The following PAX7 variants were observed in gnomAD, a reference collection of about 807,000 sequenced individuals.
The protein encoded by PAX7 is paired box protein Pax-7.
PAX7 carries 18 observed loss-of-function variants against 50.7 expected under a neutral mutation model. That is an observed-to-expected ratio of 0.36 (90% CI 0.25 to 0.53). The LOEUF is 0.53. Among genes scored for constraint, PAX7 ranks in the 20% least tolerant of loss-of-function variants. PAX7 has a pLI of 0.93. For missense variants in PAX7, 644 were observed against 702.9 expected (o/e 0.92, Z 0.95); for synonymous variants, 310 against 290.4 (o/e 1.07, Z -0.69).
At chr1:18,687,959 G>T (rs941528177) in intron 4 of PAX7, among the ~76,000 whole-genome samples, 3 of 152,162 alleles carry the variant, frequency 2.0e-5, no homozygotes, top group Admixed American at 6.5e-5. Flanking sequence ...CTAGAAAGCT[G>T]CAGGTGACTT....
In PAX7 at chr1:18,632,147, A is replaced by T. The variant is rs946071613; in HGVS notation, c.85+459A>T. ...TATTTCGAACCACCTACCATGGGTG[A>T]TACTTTATATGCCTCAACTACCACG... On this transcript the variant is annotated intron_variant, in intron 1 of 8. Transcript: ENST00000420770. The surrounding 1 kb of genome is among the most constrained non-coding windows in gnomAD (Gnocchi z 6.3). Among the ~76,000 whole-genome samples the T allele has an allele frequency of 1.3e-5, 2 of 152,102 alleles. No individual in the cohort carries two copies. The highest frequency in any genetic ancestry group is 6.5e-5 in the Admixed American group (1 of 15,268).
chr1:18,721,876 G>A lies in PAX7; in HGVS notation c.1156-13756G>A, dbSNP rs188653834. 1.9e-3 allele frequency among the ~76,000 whole-genome samples: 290 copies of A among 152,306 alleles called. 3 individuals carry two copies. The highest frequency in any genetic ancestry group is 6.6e-3 in the African/African-American group (275 of 41,556). On this transcript the variant is annotated intron_variant, in intron 7 of 8. Coordinates refer to ENST00000420770, the MANE Select transcript of PAX7 (RefSeq NM_001135254.2). ...CATAACTAGGGACATTGCATGGTTT[G>A]GGGGACTGCTGTCAGAGATGGGGAT...
At chr1:18,707,146 A>T (rs1570202808) in intron 7 of PAX7, among the ~76,000 whole-genome samples, 1 of 152,230 alleles carries the variant, frequency 6.6e-6, no homozygotes, top group East Asian at 1.9e-4. Context: ...TAAATCAGTG[A>T]ACATGAGAGG....
chr1:18,695,804 G>A (rs1469126909), intron 5 of PAX7, among the ~76,000 whole-genome samples: 1 of 152,132 alleles, frequency 6.6e-6, no homozygotes, highest in Non-Finnish European at 1.5e-5. Flanking sequence ...AGGGCTAATA[G>A]GTCCCAAGGT....
At chr1:18,704,173 G>C (rs1454550925) in intron 7 of PAX7, among the ~76,000 whole-genome samples, 1 of 152,208 alleles carries the variant, frequency 6.6e-6, no homozygotes, top group East Asian at 1.9e-4. Context: ...AAGGAGAATA[G>C]AAAGAATTCA....
intron 4 of PAX7, among the ~76,000 whole-genome samples, chr1:18,677,015 C>G (rs2088833272): frequency 6.6e-6 from 1 of 152,172 alleles, no homozygotes; most frequent in African/African-American, 2.4e-5. Context: ...TACAGCCAGC[C>G]CACGGGCTCC....
intron 4 of PAX7, among the ~76,000 whole-genome samples, chr1:18,640,463 A>C (rs951584247): frequency 9.9e-5 from 15 of 150,958 alleles, no homozygotes; most frequent in African/African-American, 3.4e-4. Flanking sequence ...GGATCTTCGA[A>C]AACCAGGAAG....
chr1:18,694,252 G>A (rs764001406), intron 5 of PAX7, among the ~76,000 whole-genome samples: 26 of 151,976 alleles, frequency 1.7e-4, no homozygotes, highest in Non-Finnish European at 3.5e-4. Context: ...ACCTGAGGTC[G>A]GGAGTTTGAG....
intron 7 of PAX7, among the ~76,000 whole-genome samples, chr1:18,707,695 G>A (rs923603155): frequency 3.3e-5 from 5 of 152,024 alleles, no homozygotes; most frequent in African/African-American, 1.2e-4. Context: ...AAAGTGTTAG[G>A]ATTACAGGCA....
intron 5 of PAX7, among the ~76,000 whole-genome samples, chr1:18,694,136 A>G (rs1469164024): frequency 6.6e-6 from 1 of 152,206 alleles, no homozygotes; most frequent in African/African-American, 2.4e-5. Context: ...GAGCTTTCTC[A>G]GAGAAGAGGG....
rs1451383644 is a variant in PAX7, at chr1:18,745,751, C to T, written c.*822C>T. On this transcript the variant is annotated 3_prime_UTR_variant, in exon 9 of 9. Transcript: ENST00000420770. ...GAAGCCCAAGTTCCCAGCATGTCCA[C>T]TCCATCTGGGGCCTGGGGAGCCCAC... is the stretch of plus-strand genomic sequence containing the variant. 1.3e-5 allele frequency: 3 copies of T among 231,872 alleles called. No homozygotes were observed. Among genetic ancestry groups the T allele is most frequent in the Admixed American group, 1.1e-4 (2 of 17,746 alleles). The allele number at this position is 231,872 out of a possible 1,614,324, so 14.4% of individuals were successfully genotyped here. A position where few individuals can be genotyped will look rare whatever the true frequency, so the allele number is the denominator to read the frequency against.
intron 6 of PAX7, among the ~76,000 whole-genome samples, chr1:18,702,539 T>A (rs963619058): frequency 6.6e-6 from 1 of 152,016 alleles, no homozygotes; most frequent in African/African-American, 2.4e-5. Context: ...GAGCGCAGAA[T>A]AACAGCCTAG....
chr1:18,682,958 G>A (rs1341142667), intron 4 of PAX7, among the ~76,000 whole-genome samples: 4 of 152,294 alleles, frequency 2.6e-5, no homozygotes, highest in Non-Finnish European at 5.9e-5. Context: ...CCAGCTGCCT[G>A]GGTGGGGCAG....
In PAX7 at chr1:18,701,547, C is replaced by CA. The variant is rs139219511; in HGVS notation, c.952+739dup. ...GATTATGTTGGTCTCCAACCTATGA[C>CA]AAAAAAAAAATTTACAAAGGGGCTT... On this transcript the variant is annotated intron_variant, in intron 6 of 8. Transcript: ENST00000420770. 2.7e-4 allele frequency among the ~76,000 whole-genome samples: 40 copies of CA among 147,966 alleles called. No individual in the cohort carries two copies. In the East Asian group the frequency reaches 4.7e-3, roughly 17 times the overall value.
At chr1:18,662,978 T>TC (rs2088621897) in intron 4 of PAX7, among the ~76,000 whole-genome samples, 1 of 152,184 alleles carries the variant, frequency 6.6e-6, no homozygotes, top group Non-Finnish European at 1.5e-5. Context: ...AGCCTCTGCT[T>TC]CCTACTCTCC....
intron 4 of PAX7, among the ~76,000 whole-genome samples, chr1:18,689,820 T>A (rs1231103373): frequency 6.6e-6 from 1 of 152,236 alleles, no homozygotes. Context: ...GCAGTGCCCT[T>A]CCCTTCACCT....
chr1:18,674,181 A>G (rs1414137641), intron 4 of PAX7, among the ~76,000 whole-genome samples: 1 of 152,218 alleles, frequency 6.6e-6, no homozygotes, highest in African/African-American at 2.4e-5. Flanking sequence ...TCTTCTGGGC[A>G]TTGAGGATAA....
chr1:18,636,422 C>T lies in PAX7; in HGVS notation c.586+51C>T. ...GCCCCAGCCCGGGTTTTCCCACGCT[C>T]CGGTGTGCGGGCCAGTGGTTCGCTC... is the stretch of plus-strand genomic sequence containing the variant. On this transcript the variant is annotated intron_variant, in intron 4 of 8. Transcript: ENST00000420770. The surrounding 1 kb of genome is among the most constrained non-coding windows in gnomAD (Gnocchi z 5.1). 6.3e-7 allele frequency: 1 copy of T among 1,599,092 alleles called. No individual in the cohort carries two copies. Among genetic ancestry groups the T allele is most frequent in the South Asian group, 1.1e-5 (1 of 89,916 alleles).
At chr1:18,696,930 G>T (rs1018639958) in intron 5 of PAX7, among the ~76,000 whole-genome samples, 3 of 152,108 alleles carry the variant, frequency 2.0e-5, no homozygotes, top group African/African-American at 7.2e-5. Flanking sequence ...AACACAAAGG[G>T]TAAATGCTTG....
Sources: gnomAD v4.1 joint callset for allele counts (sites outside exome capture counted in the v4.1 genomes callset) on GRCh38, gnomAD v4.1.1 for gene constraint, Gnocchi (gnomAD v3.1) non-coding constraint, MANE v1.5 for transcripts, NCBI Gene and HGNC (gene_info 2026-07-23, HGNC 2026-07-21) for gene names.